The following TTC28 variants were observed in gnomAD, a reference collection of about 807,000 sequenced individuals.
The protein encoded by TTC28 is tetratricopeptide repeat protein 28.
Under a neutral mutation model 198.0 loss-of-function variants are expected in TTC28, and 61 were observed. That is an observed-to-expected ratio of 0.31 (90% CI 0.25 to 0.38). The LOEUF is 0.38. Among genes scored for constraint, TTC28 ranks in the 10% least tolerant of loss-of-function variants. The pLI, the probability that TTC28 is intolerant of heterozygous loss-of-function variation, is 1.00. For synonymous variants in TTC28, 1,171 were observed against 1,297.8 expected (o/e 0.90, Z 2.10); for missense variants, 2,678 against 3,164.0 (o/e 0.85, Z 3.69).
At chr22:28,617,327 T>C (rs1164895511) in intron 2 of TTC28, among the ~76,000 whole-genome samples, 1 of 147,082 alleles carries the variant, frequency 6.8e-6, no homozygotes, top group African/African-American at 2.6e-5. Context: ...GGGAGAACTT[T>C]TTTTGAAAAA....
intron 2 of TTC28, among the ~76,000 whole-genome samples, chr22:28,467,526 G>A (rs2033402567): frequency 6.6e-6 from 1 of 152,204 alleles, no homozygotes; most frequent in African/African-American, 2.4e-5. Flanking sequence ...CCTATTCAGT[G>A]AGGCAGCTGT....
At chr22:28,656,349 T>C (rs1318771571) in intron 1 of TTC28, among the ~76,000 whole-genome samples, 3 of 152,062 alleles carry the variant, frequency 2.0e-5, no homozygotes, top group African/African-American at 7.2e-5. Flanking sequence ...GATAAAGAAA[T>C]GTCATTAAGG....
intron 12 of TTC28, among the ~76,000 whole-genome samples, chr22:28,084,519 A>G (rs1363225879): frequency 2.6e-5 from 4 of 152,208 alleles, no homozygotes; most frequent in Non-Finnish European, 5.9e-5. Context: ...GTATGTCACC[A>G]TCATCAAAGA....
At chr22:28,017,986 C>A (rs946613951) in intron 13 of TTC28, among the ~76,000 whole-genome samples, 1 of 152,222 alleles carries the variant, frequency 6.6e-6, no homozygotes, top group Non-Finnish European at 1.5e-5. Context: ...TCCAGGCCGC[C>A]AAGCCCACCT....
At chr22:28,379,330 T>C (rs2046461124) in intron 2 of TTC28, among the ~76,000 whole-genome samples, 1 of 152,192 alleles carries the variant, frequency 6.6e-6, no homozygotes, top group African/African-American at 2.4e-5. Flanking sequence ...TGAATACCCA[T>C]GTTCAAAGCT....
intron 3 of TTC28, among the ~76,000 whole-genome samples, chr22:28,301,052 T>C (rs981641271): frequency 1.3e-5 from 2 of 152,070 alleles, no homozygotes; most frequent in African/African-American, 4.8e-5. Flanking sequence ...TTTCACTGTA[T>C]ATAAATTTAA....
chr22:28,548,931 C>T (rs878938301), intron 2 of TTC28, among the ~76,000 whole-genome samples: 2 of 152,218 alleles, frequency 1.3e-5, no homozygotes, highest in Non-Finnish European at 2.9e-5. Flanking sequence ...TTTACCACTA[C>T]AGTAAGTTTT....
At chr22:28,154,608 G>A (rs955742375) in intron 6 of TTC28, among the ~76,000 whole-genome samples, 2 of 151,722 alleles carry the variant, frequency 1.3e-5, no homozygotes, top group Non-Finnish European at 1.5e-5. Flanking sequence ...CGCCTGCCTC[G>A]GCCTCCCAAA....
intron 2 of TTC28, among the ~76,000 whole-genome samples, chr22:28,309,471 A>G (rs1367645262): frequency 6.6e-6 from 1 of 152,180 alleles, no homozygotes; most frequent in Non-Finnish European, 1.5e-5. Flanking sequence ...GCCTTCTCCA[A>G]AGGAAAGGTC....
chr22:27,987,999 C>G (rs1937270201), intron 21 of TTC28, among the ~76,000 whole-genome samples: 1 of 152,110 alleles, frequency 6.6e-6, no homozygotes, highest in Non-Finnish European at 1.5e-5. Context: ...GTTGCTTGAA[C>G]CCAGGAGTTT....
chr22:28,449,479 T>A (rs1308297534), intron 2 of TTC28, among the ~76,000 whole-genome samples: 1 of 152,170 alleles, frequency 6.6e-6, no homozygotes, highest in African/African-American at 2.4e-5. Flanking sequence ...TTCCTAACAC[T>A]CTTATGTAGA....
intron 1 of TTC28, among the ~76,000 whole-genome samples, chr22:28,672,673 C>T (rs2051908643): frequency 6.6e-6 from 1 of 152,136 alleles, no homozygotes; most frequent in Non-Finnish European, 1.5e-5. Context: ...AATGTCCTTC[C>T]ACTCTTTGAC....
chr22:28,019,343 C>G (rs1262627484), intron 13 of TTC28, among the ~76,000 whole-genome samples: 1 of 152,212 alleles, frequency 6.6e-6, no homozygotes, highest in African/African-American at 2.4e-5. Flanking sequence ...AAGCCCTCAA[C>G]CCCTCTGCTG....
intron 2 of TTC28, among the ~76,000 whole-genome samples, chr22:28,571,491 G>A (rs2050059027): frequency 6.6e-6 from 1 of 152,174 alleles, no homozygotes; most frequent in Non-Finnish European, 1.5e-5. Context: ...AGTTAAAAAT[G>A]CACTGCAACT....
intron 2 of TTC28, among the ~76,000 whole-genome samples, chr22:28,428,077 G>A (rs989323730): frequency 6.6e-6 from 1 of 150,656 alleles, no homozygotes; most frequent in East Asian, 1.9e-4. Context: ...ATACTCAAAA[G>A]GTTTAAATAT....
Position 28,107,367 on chromosome 22 carries a change from C to T in TTC28, c.2478G>A (p.Lys826=), listed in dbSNP as rs201951655. ...CYEEQLDLGQ[K]LKDPSLEAQV... is the part of the protein sequence containing the mutation. Reference sequence around the variant, plus strand: ...GGGCTTCCAGACTCGGATCCTTCAGCTTTTGCCCTAGATCCAGTTGCTCTT... The same window carrying T: ...GGGCTTCCAGACTCGGATCCTTCAGTTTTTGCCCTAGATCCAGTTGCTCTT... Residue 826 remains lysine, a synonymous_variant, in exon 7 of 23, where the codon AAG becomes AAA. Coordinates refer to ENST00000397906, the MANE Select transcript of TTC28 (RefSeq NM_001145418.2). 3.3e-4 allele frequency: 506 copies of T among 1,551,810 alleles called. No homozygotes were observed. Among genetic ancestry groups the T allele is most frequent in the Admixed American group, 4.5e-4 (23 of 50,984 alleles).
intron 2 of TTC28, among the ~76,000 whole-genome samples, chr22:28,406,344 T>G (rs1042348935): frequency 6.6e-6 from 1 of 152,232 alleles, no homozygotes; most frequent in African/African-American, 2.4e-5. Flanking sequence ...TTATTTTAAT[T>G]AGGTATCTCC....
chr22:28,283,062 G>A (rs1425733300), intron 5 of TTC28, among the ~76,000 whole-genome samples: 4 of 152,094 alleles, frequency 2.6e-5, no homozygotes, highest in African/African-American at 9.7e-5. Context: ...TCAAGAAATT[G>A]ATGTCCTGTC....
At chr22:28,674,478 G>A (rs5997385) in intron 1 of TTC28, among the ~76,000 whole-genome samples, 62 of 152,156 alleles carry the variant, frequency 4.1e-4, no homozygotes, top group African/African-American at 1.4e-3. Flanking sequence ...TCTTTGGAAT[G>A]GATATTACTA....
Sources: allele counts gnomAD v4.1 joint callset (sites outside exome capture counted in the v4.1 genomes callset), GRCh38; gene constraint gnomAD v4.1.1; transcripts MANE v1.5; gene names NCBI Gene and HGNC (gene_info 2026-07-23, HGNC 2026-07-21).